SPEF2: variants seen among roughly 807,000 people sequenced by gnomAD.
The protein encoded by SPEF2 is sperm flagella and cilia-associated protein 2.
Under a neutral mutation model 224.6 loss-of-function variants are expected in SPEF2, and 187 were observed. That is an observed-to-expected ratio of 0.83 (90% CI 0.74 to 0.94). The LOEUF (loss-of-function observed/expected upper bound fraction) is 0.94, where lower values mean the gene tolerates loss of function less well. Among genes scored for constraint, SPEF2 ranks in the 40% least tolerant of loss-of-function variants. The probability of loss-of-function intolerance (pLI) is 0.00; values close to 1 mark genes in which losing one functional copy is unlikely to be tolerated. For missense variants in SPEF2, 2,170 were observed against 2,135.6 expected (o/e 1.02, Z -0.32); for synonymous variants, 715 against 707.3 (o/e 1.01, Z -0.17).
rs745763944 is a variant in SPEF2 at position 35,784,332 on chromosome 5, G to A, written c.4447+4986G>A. ...TTTAGTAGAGACAAGGTTTCGCCAT[G>A]TTAGCCAGGATGGCCTCCATCTCCT... On this transcript the variant is annotated intron_variant, in intron 30 of 36. Transcript: ENST00000356031. Among the ~76,000 whole-genome samples the A allele has an allele frequency of 7.6e-4, 116 of 152,206 alleles. 1 individual carries two copies. The highest frequency in any genetic ancestry group is 1.3e-3 in the Non-Finnish European group (91 of 67,996).
chr5:35,783,716 A>C (rs1403389014), intron 30 of SPEF2, among the ~76,000 whole-genome samples: 1 of 152,218 alleles, frequency 6.6e-6, no homozygotes, highest in Non-Finnish European at 1.5e-5. Context: ...TAGGGAGTAC[A>C]AGCATTCCAA....
rs192166265 is a variant in SPEF2 at position 35,712,043 on chromosome 5, T to C, written c.2840-769T>C. Reference sequence around the variant, plus strand: ...CAGTTTTCCAATTTCTCCCTTCCAATATATTTCTGAACTATATCCCAGGGA... The same window carrying C: ...CAGTTTTCCAATTTCTCCCTTCCAACATATTTCTGAACTATATCCCAGGGA... On this transcript the variant is annotated intron_variant, in intron 19 of 36. Coordinates refer to ENST00000356031, the MANE Select transcript of SPEF2 (RefSeq NM_024867.4). 1.5e-3 allele frequency among the ~76,000 whole-genome samples: 230 copies of C among 152,254 alleles called. 1 individual carries two copies. The highest frequency in any genetic ancestry group is 5.3e-3 in the African/African-American group (219 of 41,546).
intron 29 of SPEF2, among the ~76,000 whole-genome samples, chr5:35,777,664 CAAATAAATAAAT>C (rs35899152): frequency 0.21 from 29,591 of 143,944 alleles, 3,112 homozygotes; most frequent in South Asian, 0.24. Flanking sequence ...AAATGTGATA[CAAATAAATAAAT>C]AAATAAATAA....
At chr5:35,694,192 T>C in intron 12 of SPEF2, 96 bp from the exon 13 acceptor site, 1 of 891,532 alleles carries the variant, frequency 1.1e-6, no homozygotes, top group Non-Finnish European at 1.7e-6. Context: ...AGTATTGTAT[T>C]TGTTCTCAAA....
chr5:35,798,326 C>T (rs1208710881), intron 33 of SPEF2, among the ~76,000 whole-genome samples: 1 of 152,284 alleles, frequency 6.6e-6, no homozygotes, highest in East Asian at 1.9e-4. Flanking sequence ...GCCATGCTCC[C>T]TTTGCCAATT....
At chr5:35,635,182 G>A (rs1158274876) in intron 2 of SPEF2, among the ~76,000 whole-genome samples, 1 of 151,918 alleles carries the variant, frequency 6.6e-6, no homozygotes, top group African/African-American at 2.4e-5. Flanking sequence ...TCAGATCTGA[G>A]ATTCTTTCCT....
intron 18 of SPEF2, among the ~76,000 whole-genome samples, chr5:35,708,591 C>T (rs111118708): frequency 2.9e-3 from 125 of 43,158 alleles, no homozygotes; most frequent in Middle Eastern, 0.037. Flanking sequence ...TCACTACCAC[C>T]ATCCCCACCA....
chr5:35,742,916 G>T (rs1222984290), intron 23 of SPEF2, among the ~76,000 whole-genome samples: 2 of 151,566 alleles, frequency 1.3e-5, no homozygotes, highest in African/African-American at 4.8e-5. Context: ...TTCACCCCAA[G>T]ATTATATAGA....
At chr5:35,764,002 G>A (rs1751725915) in intron 26 of SPEF2, among the ~76,000 whole-genome samples, 1 of 152,150 alleles carries the variant, frequency 6.6e-6, no homozygotes, top group African/African-American at 2.4e-5. Context: ...AATCAGGAGG[G>A]ATGGGTCTGG....
chr5:35,671,402 T>C, intron 10 of SPEF2: 2 of 969,192 alleles, frequency 2.1e-6, no homozygotes, highest in Non-Finnish European at 2.5e-6. Flanking sequence ...TATTAAGGAT[T>C]GACTAGAACC....
intron 2 of SPEF2, among the ~76,000 whole-genome samples, chr5:35,634,609 C>G (rs1294346692): frequency 6.6e-6 from 1 of 152,070 alleles, no homozygotes; most frequent in East Asian, 1.9e-4. Context: ...CTTTCTCTCT[C>G]CCATATCATT....
At position 35,771,759 on chromosome 5, in the gene SPEF2, A is replaced by G; in HGVS notation, c.3949+3A>G. The stretch of plus-strand genomic sequence containing the variant: ...ACAGGAAGACAAAAAACCCAAAGGT[A>G]TTTATGGTTTTAGCACTCAGAACCC... On this transcript the variant is annotated splice_donor_region_variant and intron_variant, in intron 27 of 36. Transcript: ENST00000356031. 1 of 1,586,550 alleles carries G rather than the reference A, an allele frequency of 6.3e-7. No individual in the cohort carries two copies. Among genetic ancestry groups the G allele is most frequent in the Non-Finnish European group, 8.5e-7 (1 of 1,173,204 alleles).
At chr5:35,741,405 G>C (rs190156113) in intron 23 of SPEF2, among the ~76,000 whole-genome samples, 82 of 152,210 alleles carry the variant, frequency 5.4e-4, no homozygotes, top group Admixed American at 2.3e-3. Context: ...TGGCACTGAA[G>C]GGGGAGGACA....
rs950631727 is a variant in SPEF2, at chr5:35,700,507, T to C, written c.2153T>C (p.Val718Ala). 19 of 1,611,206 alleles carry C rather than the reference T, an allele frequency of 1.2e-5. No homozygotes were observed. Among genetic ancestry groups the C allele is most frequent in the Non-Finnish European group, 1.3e-5 (15 of 1,178,844 alleles). Residue 718 changes from valine (V) to alanine (A), a missense_variant, in exon 16 of 37, where the codon GTG (valine) becomes GCG (alanine). Val to Ala is a moderately conservative substitution (Grantham distance 64, BLOSUM62 0). Transcript: ENST00000356031. ...CTGTTTCAATTTAGTGAGATACCTG[T>C]GAATCAAGACTGTATCCTAGATGGT... is the stretch of plus-strand genomic sequence containing the variant. ...IIVNAINEIP[V>A]NQDCILDGFP...
chr5:35,667,580 T>C (rs1750661782), intron 9 of SPEF2, among the ~76,000 whole-genome samples: 1 of 152,190 alleles, frequency 6.6e-6, no homozygotes, highest in Non-Finnish European at 1.5e-5. Context: ...CAACAAGTTC[T>C]TAGACTTGAC....
intron 24 of SPEF2, among the ~76,000 whole-genome samples, chr5:35,757,856 A>G (rs2149740630): frequency 6.6e-6 from 1 of 152,360 alleles, no homozygotes; most frequent in Non-Finnish European, 1.5e-5. Flanking sequence ...GTGAGACAAT[A>G]CATAAATGGT....
chr5:35,788,296 A>G (rs1183448969), intron 30 of SPEF2: 8 of 703,006 alleles, frequency 1.1e-5, no homozygotes, highest in African/African-American at 1.0e-4. Context: ...GTCCCCTCAA[A>G]GATTTTATTT....
chr5:35,670,547 A>T (rs1201447186), intron 10 of SPEF2: 1 of 1,005,376 alleles, frequency 9.9e-7, no homozygotes, highest in Non-Finnish European at 1.2e-6. Flanking sequence ...TGGGCTGTGT[A>T]CTTTTGCTTC....
chr5:35,748,331 C>T (rs187851957), intron 23 of SPEF2, among the ~76,000 whole-genome samples: 7 of 151,840 alleles, frequency 4.6e-5, no homozygotes, highest in African/African-American at 1.4e-4. Context: ...AAAGCAAGAT[C>T]GGAGCAGAAC....
Sources: allele counts gnomAD v4.1 joint callset (sites outside exome capture counted in the v4.1 genomes callset), GRCh38; gene constraint gnomAD v4.1.1; transcripts MANE v1.5; gene names NCBI Gene and HGNC (gene_info 2026-07-23, HGNC 2026-07-21).